Variants in HELB observed in about 807,000 individuals in gnomAD.
The protein encoded by HELB is DNA 5'-3' helicase B.
Under a neutral mutation model 101.7 loss-of-function variants are expected in HELB, and 96 were observed. The ratio of observed to expected loss-of-function variants is 0.94; its 90% CI spans 0.80 to 1.12. The LOEUF is 1.12. HELB is among the 50% of genes most tolerant of loss of function. The pLI, the probability that HELB is intolerant of heterozygous loss-of-function variation, is 0.00. For synonymous variants in HELB, 437 were observed against 459.7 expected, an observed-to-expected ratio of 0.95 and a Z score of 0.63; for missense variants, 1,210 against 1,291.9, an observed-to-expected ratio of 0.94 and a Z score of 0.97.
chr12:66,326,141 G>T (rs1248955869), intron 11 of HELB, among the ~76,000 whole-genome samples: 1 of 152,046 alleles, frequency 6.6e-6, no homozygotes, highest in African/African-American at 2.4e-5. Flanking sequence ...TTATTTTAAT[G>T]CCCTTGAATT....
chr12:66,304,837 A>G lies in HELB; in HGVS notation c.294A>G (p.Gly98=). The change falls in exon 2 of 13, where the codon GGA becomes GGG. Residue 98 remains glycine (G), a synonymous_variant. Coordinates refer to ENST00000247815, the MANE Select transcript of HELB (RefSeq NM_001370285.1). The stretch of plus-strand genomic sequence containing the variant: ...AGGTACAAGTAAAGCCTGTGGTGGG[A>G]TCAAGGAGCTATCAATATCAAGTTC... The part of the protein sequence containing the change: ...RVKVQVKPVV[G]SRSYQYQVQG... 3 of 1,614,126 alleles carry G rather than the reference A, an allele frequency of 1.9e-6. No homozygotes were observed. The highest frequency in any genetic ancestry group is 2.5e-6 in the Non-Finnish European group (3 of 1,180,008).
downstream of HELB, chr12:66,343,047 G>T (rs1471729470): frequency 1.3e-5 from 2 of 152,102 alleles, no homozygotes; most frequent in Non-Finnish European, 2.9e-5. Context: ...TTGTAGCTTT[G>T]TAGAAAGTTT....
rs190107609 is a variant in HELB at position 66,333,864 on chromosome 12, C to T, written c.3162+2219C>T. ...AGCAGTGGTGTAATATCATCTGATG[C>T]CTGCTTAAACATAGTCCCAGCATGG... On this transcript the variant is annotated intron_variant, in intron 12 of 12. Transcript: ENST00000247815. Among the ~76,000 whole-genome samples the T allele has an allele frequency of 4.2e-3, 633 of 151,538 alleles. 16 individuals are homozygous for T. Among genetic ancestry groups the T allele is most frequent in the Admixed American group, 0.039 (594 of 15,216 alleles).
At chr12:66,341,088 A>G (rs116323020), downstream of HELB, 663 of 154,212 alleles carry the variant, frequency 4.3e-3, 7 homozygotes, top group African/African-American at 0.014. Flanking sequence ...AGCTGATAGC[A>G]TGGCTCAGTC....
At position 66,322,796 on chromosome 12, in the gene HELB, G is replaced by A. The variant is rs751191125; in HGVS notation, c.2297+13G>A. The A allele has an allele frequency of 2.0e-5, 32 of 1,577,700 alleles. 1 individual carries two copies. Among genetic ancestry groups the A allele is most frequent in the Middle Eastern group, 3.4e-4 (2 of 5,970 alleles). ...GCCACCTCACCAAGTGAGTGTCTTC[G>A]AGAACTGAAACTTTTAAGGACAGTC... is the stretch of plus-strand genomic sequence containing the variant. On this transcript the variant is annotated intron_variant, in intron 9 of 12. Coordinates refer to ENST00000247815, the MANE Select transcript of HELB (RefSeq NM_001370285.1).
At chr12:66,318,577 A>G in intron 6 of HELB, 61 bp from the exon 7 acceptor site, 1 of 1,456,592 alleles carries the variant, frequency 6.9e-7, no homozygotes, top group Non-Finnish European at 9.2e-7. Flanking sequence ...AGCTCTGATC[A>G]TATATGAAGA....
intron 12 of HELB, among the ~76,000 whole-genome samples, chr12:66,334,044 C>T (rs1592649247): frequency 6.6e-6 from 1 of 151,900 alleles, no homozygotes; most frequent in East Asian, 1.9e-4. Context: ...CCTATAGTCC[C>T]AGCTACGCGG....
At chr12:66,309,224 A>G (rs2053511457) in intron 3 of HELB, among the ~76,000 whole-genome samples, 2 of 152,222 alleles carry the variant, frequency 1.3e-5, no homozygotes, top group East Asian at 3.9e-4. Flanking sequence ...CAAATATAGA[A>G]ACCAAAGAAA....
At chr12:66,338,270 ACGT>A (rs2053888200), downstream of HELB, 4 of 601,236 alleles carry the variant, frequency 6.7e-6, no homozygotes, top group South Asian at 1.9e-5. Flanking sequence ...TGATTTCAAC[ACGT>A]CATCATGAGA....
In HELB at chr12:66,324,103, T is replaced by A. The variant is rs2053706664; in HGVS notation, c.2418T>A (p.Asp806Glu). 6.2e-7 allele frequency: 1 copy of A among 1,613,802 alleles called. No homozygotes were observed. Residue 806 changes from aspartate (D) to glutamate (E), a missense_variant, in exon 10 of 13, where the codon GAT becomes GAA. Asp to Glu is a conservative substitution (Grantham distance 45, BLOSUM62 2). Around this residue, in one of 2 missense-constraint regions of HELB, gnomAD observed 740 missense variants for 728.8 expected, o/e 1.02. Coordinates refer to ENST00000247815, the MANE Select transcript of HELB (RefSeq NM_001370285.1). ...GAAGTCAGCAAAATAATGATCTAGA[T>A]GCCAGTAGTGAAGACTTTTCTGGTA... ...ISGSQQNNDL[D>E]ASSEDFSGTL...
rs760938641 is a variant in HELB, at chr12:66,325,118, A to G, written c.2662A>G (p.Thr888Ala). The stretch of plus-strand genomic sequence containing the variant: ...ACATGCATGGGCAAGAACTATTCAC[A>G]CTTTTCAGGTAAGAGGAGACTTTTA... ...IKHAWARTIH[T>A]FQGSEEQTVV... Residue 888 changes from threonine (T) to alanine (A), a missense_variant, in exon 11 of 13, where the codon ACT (threonine) becomes GCT (alanine). Transcript: ENST00000247815. 3 of 1,601,398 alleles carry G rather than the reference A, an allele frequency of 1.9e-6. No individual in the cohort carries two copies. The highest frequency in any genetic ancestry group is 2.6e-6 in the Non-Finnish European group (3 of 1,169,664).
intron 6 of HELB, among the ~76,000 whole-genome samples, chr12:66,317,273 C>G (rs1354466607): frequency 6.6e-6 from 1 of 152,134 alleles, no homozygotes; most frequent in African/African-American, 2.4e-5. Flanking sequence ...TAAAGCCATA[C>G]TTGGCCTCAT....
At position 66,314,105 on chromosome 12, in the gene HELB, C is replaced by T. The variant is rs770557038; in HGVS notation, c.1800C>T (p.Phe600=). The part of the protein sequence containing the change: ...DEGSLVSVGI[F]KSVLNLLCEH... ...GGAGTTTGGTATCTGTAGGAATCTT[C>T]AAATCGGTCTTAAATTTATTGTGTG... Residue 600 remains phenylalanine, a synonymous_variant, in exon 5 of 13, where the codon TTC becomes TTT. Transcript: ENST00000247815. The T allele has an allele frequency of 1.2e-5, 20 of 1,613,826 alleles. No homozygotes were observed. Among genetic ancestry groups the T allele is most frequent in the East Asian group, 6.7e-5 (3 of 44,858 alleles).
chr12:66,330,332 G>T (rs2137013944), intron 11 of HELB, among the ~76,000 whole-genome samples: 1 of 151,972 alleles, frequency 6.6e-6, no homozygotes, highest in East Asian at 1.9e-4. Flanking sequence ...GAAATAAATT[G>T]CCCAACAATG....
At position 66,306,398 on chromosome 12, in the gene HELB, C is replaced by T. The variant is rs748305229; in HGVS notation, c.661C>T (p.Leu221Phe). ...GCAGTTTCCGAAGATAATGGAATTC[C>T]TTCCAGTTCTTCTGCCTCGACACTT... is the stretch of plus-strand genomic sequence containing the variant. ...ALQFPKIMEF[L>F]PVLLPRHFKW... The change falls in exon 3 of 13, where the codon CTT becomes TTT. Residue 221 changes from leucine to phenylalanine, a missense_variant. Physicochemically the swap from Leu to Phe is conservative, Grantham distance 22 (BLOSUM62 0). Coordinates refer to ENST00000247815, the MANE Select transcript of HELB (RefSeq NM_001370285.1). The T allele has an allele frequency of 6.2e-7, 1 of 1,607,282 alleles. No individual in the cohort carries two copies. Among genetic ancestry groups the T allele is most frequent in the South Asian group, 1.1e-5 (1 of 89,726 alleles).
intron 9 of HELB, 140 bp from the exon 10 acceptor site, chr12:66,323,843 C>T (rs1447988891): frequency 8.0e-6 from 5 of 626,292 alleles, no homozygotes; most frequent in Non-Finnish European, 1.4e-5. Context: ...TCTTGTTGCT[C>T]ATTGGAGAAT....
intron 6 of HELB, among the ~76,000 whole-genome samples, chr12:66,315,986 C>T (rs1022888899): frequency 2.6e-5 from 4 of 152,064 alleles, no homozygotes; most frequent in African/African-American, 4.8e-5. Context: ...TACAGTCATG[C>T]GCCACATAAT....
chr12:66,315,666 A>G (rs1056352165), intron 6 of HELB, among the ~76,000 whole-genome samples: 2 of 152,214 alleles, frequency 1.3e-5, no homozygotes, highest in Admixed American at 6.5e-5. Flanking sequence ...AAGGACTAGA[A>G]TAAGCCCAAG....
At chr12:66,322,136 A>G (rs2053677464) in intron 8 of HELB, 107 bp downstream of exon 8, 1 of 567,180 alleles carries the variant, frequency 1.8e-6, no homozygotes. Context: ...CATCACTGTT[A>G]ATTCTCTTTC....
Sources: gnomAD v4.1 joint callset for allele counts (sites outside exome capture counted in the v4.1 genomes callset) on GRCh38, gnomAD v4.1.1 for gene constraint, gnomAD v4.1.1 regional missense constraint, MANE v1.5 for transcripts, NCBI Gene and HGNC (gene_info 2026-07-23, HGNC 2026-07-21) for gene names.